The following LPP variants were observed in gnomAD, a reference collection of about 807,000 sequenced individuals.
LPP encodes LIM domain containing preferred translocation partner in lipoma, also known as lipoma-preferred partner.
A neutral mutation model predicts 60.4 loss-of-function variants in LPP; 38 were observed. That is an observed-to-expected ratio of 0.63 (90% confidence interval 0.49 to 0.83). LPP has a LOEUF of 0.83. Ranked by LOEUF, LPP falls within the 40% of genes least tolerant of loss-of-function variation. The pLI is 0.00. For synonymous variants in LPP, 328 were observed against 290.8 expected (o/e 1.13, Z -1.30); for missense variants, 902 against 783.6 (o/e 1.15, Z -1.80).
In LPP at chr3:188,280,419, A is replaced by G. The variant is rs368842089; in HGVS notation, c.-67+54892A>G. Among the ~76,000 whole-genome samples the G allele has an allele frequency of 8.5e-5, 13 of 152,166 alleles. No homozygotes were observed. In the East Asian group the frequency reaches 1.2e-3, roughly 14 times the overall value. On this transcript the variant is annotated intron_variant, in intron 2 of 11. Coordinates refer to ENST00000617246, the MANE Select transcript of LPP (RefSeq NM_001375462.1). ...TAAATGGTTGCAAATTTCATGGACC[A>G]CGAATGCCGCATCTCAGGATACAGA...
At chr3:188,196,239 C>T (rs1729504329) in intron 1 of LPP, among the ~76,000 whole-genome samples, 1 of 152,188 alleles carries the variant, frequency 6.6e-6, no homozygotes, top group Admixed American at 6.6e-5. Context: ...AGGTGTTTAT[C>T]TCCAGTTTGG....
intron 2 of LPP, among the ~76,000 whole-genome samples, chr3:188,266,686 C>G (rs944320749): frequency 4.6e-5 from 7 of 152,108 alleles, no homozygotes; most frequent in Admixed American, 3.9e-4. Flanking sequence ...AGCCATGAGT[C>G]CTTTTTTAAA....
rs1026912004 is a variant in LPP, at chr3:188,850,734, A to G, written c.1411-15466A>G. On this transcript the variant is annotated intron_variant, in intron 9 of 11. Transcript: ENST00000617246. ...AAAAGTAAATGAAATCTTGGACTGC[A>G]TTCATCTAAAGAGGAGCATGCAGAA... 8.5e-5 allele frequency among the ~76,000 whole-genome samples: 13 copies of G among 152,326 alleles called. No individual in the cohort carries two copies. The East Asian group carries it at 2.5e-3, about 29-fold the overall frequency.
At chr3:188,735,837 T>C (rs965088955) in intron 8 of LPP, among the ~76,000 whole-genome samples, 2 of 152,162 alleles carry the variant, frequency 1.3e-5, no homozygotes, top group African/African-American at 4.8e-5. Context: ...AAACTAGACA[T>C]GGGAGAAGCC....
At chr3:188,320,743 A>G (rs1756689768) in intron 2 of LPP, among the ~76,000 whole-genome samples, 2 of 152,212 alleles carry the variant, frequency 1.3e-5, no homozygotes, top group African/African-American at 2.4e-5. Context: ...TTCTTTCAGT[A>G]GCTTCATGCA....
At chr3:188,391,675 G>A (rs998386818) in intron 3 of LPP, among the ~76,000 whole-genome samples, 1 of 152,004 alleles carries the variant, frequency 6.6e-6, no homozygotes, top group South Asian at 2.1e-4. Flanking sequence ...GACAAAAATG[G>A]TGAAGCCACC....
intron 6 of LPP, among the ~76,000 whole-genome samples, chr3:188,533,852 A>G (rs1477095827): frequency 6.6e-6 from 1 of 152,210 alleles, no homozygotes; most frequent in Non-Finnish European, 1.5e-5. Flanking sequence ...ATGACAGGCA[A>G]TTAATTTTTA....
At chr3:188,665,104 T>A (rs958706570) in intron 7 of LPP, among the ~76,000 whole-genome samples, 1 of 152,216 alleles carries the variant, frequency 6.6e-6, no homozygotes, top group African/African-American at 2.4e-5. Flanking sequence ...TTTCTGAGGA[T>A]GGTGTATTGT....
chr3:188,449,170 TCTG>T (rs1343893809), intron 4 of LPP, among the ~76,000 whole-genome samples: 1 of 152,254 alleles, frequency 6.6e-6, no homozygotes, highest in Non-Finnish European at 1.5e-5. Context: ...CATGAATATT[TCTG>T]CTCTTTCTCC....
intron 9 of LPP, among the ~76,000 whole-genome samples, chr3:188,787,273 C>G (rs1383428270): frequency 6.6e-6 from 1 of 151,870 alleles, no homozygotes; most frequent in Non-Finnish European, 1.5e-5. Flanking sequence ...TCATATGAAT[C>G]TACAATTATA....
intron 2 of LPP, among the ~76,000 whole-genome samples, chr3:188,315,107 A>G (rs1025883389): frequency 1.3e-5 from 2 of 152,072 alleles, no homozygotes; most frequent in African/African-American, 4.8e-5. Flanking sequence ...TGGACTAATT[A>G]GCTTTTATAT....
intron 3 of LPP, among the ~76,000 whole-genome samples, chr3:188,355,344 A>T (rs1767294523): frequency 6.6e-6 from 1 of 152,132 alleles, no homozygotes; most frequent in Non-Finnish European, 1.5e-5. Flanking sequence ...CGTCATAATG[A>T]TTTTGTGAAC....
chr3:188,451,612 G>A (rs1358226763), intron 4 of LPP, among the ~76,000 whole-genome samples: 1 of 152,136 alleles, frequency 6.6e-6, no homozygotes, highest in Non-Finnish European at 1.5e-5. Flanking sequence ...AAATACTCAA[G>A]CAAACATTTA....
chr3:188,221,351 A>G (rs891564596), intron 1 of LPP, among the ~76,000 whole-genome samples: 1 of 152,076 alleles, frequency 6.6e-6, no homozygotes, highest in African/African-American at 2.4e-5. Context: ...TACACTTTTC[A>G]TTCTGTCTTT....
intron 4 of LPP, among the ~76,000 whole-genome samples, chr3:188,462,542 CTT>C (rs1491470397): frequency 0.036 from 2,300 of 64,106 alleles, 264 homozygotes; most frequent in East Asian, 0.13. Flanking sequence ...TTTATATGAG[CTT>C]TATATATATA....
At chr3:188,465,781 C>G (rs1800228183) in intron 4 of LPP, among the ~76,000 whole-genome samples, 2 of 152,068 alleles carry the variant, frequency 1.3e-5, no homozygotes, top group African/African-American at 4.8e-5. Flanking sequence ...CTGAGTAGCT[C>G]TTGTTTTCCA....
intron 6 of LPP, among the ~76,000 whole-genome samples, chr3:188,531,027 A>C (rs905098207): frequency 2.0e-5 from 3 of 152,162 alleles, no homozygotes; most frequent in African/African-American, 7.2e-5. Context: ...TTTCTAGTAC[A>C]GGGCTGTCTT....
intron 7 of LPP, among the ~76,000 whole-genome samples, chr3:188,683,295 G>A (rs1177857082): frequency 6.6e-6 from 1 of 152,132 alleles, no homozygotes; most frequent in Non-Finnish European, 1.5e-5. Flanking sequence ...GGGCGTCTCA[G>A]TGGTAGCAGG....
intron 9 of LPP, among the ~76,000 whole-genome samples, chr3:188,812,796 G>A (rs1448544671): frequency 3.5e-5 from 5 of 144,282 alleles, no homozygotes; most frequent in East Asian, 2.1e-4. Flanking sequence ...TCTCTCTCTC[G>A]CTGCAGCTTT....
Sources: gnomAD v4.1 joint callset for allele counts (sites outside exome capture counted in the v4.1 genomes callset) on GRCh38, gnomAD v4.1.1 for gene constraint, MANE v1.5 for transcripts, NCBI Gene and HGNC (gene_info 2026-07-23, HGNC 2026-07-21) for gene names.